The following NLRP12 variants were observed in gnomAD, a reference collection of about 807,000 sequenced individuals.
NLRP12 encodes NLR family pyrin domain containing 12.
In NLRP12, 108 loss-of-function variants were observed where a neutral mutation model predicts 91.2. That is an observed-to-expected ratio of 1.18 (90% confidence interval 1.01 to 1.39). NLRP12 has a LOEUF of 1.39. NLRP12 is among the 40% of genes most tolerant of loss of function. NLRP12 has a pLI of 0.00. For synonymous variants in NLRP12, 613 were observed against 566.7 expected, an observed-to-expected ratio of 1.08 and a Z score of -1.16; for missense variants, 1,530 against 1,352.7, an observed-to-expected ratio of 1.13 and a Z score of -2.06.
chr19:53,806,023 CAGG>C (rs1377309876), intron 4 of NLRP12, among the ~76,000 whole-genome samples: 2 of 146,156 alleles, frequency 1.4e-5, no homozygotes, highest in African/African-American at 5.0e-5. Context: ...CACCTGAGGT[CAGG>C]AGTTTATGAC....
intron 1 of NLRP12, among the ~76,000 whole-genome samples, chr19:53,822,733 T>TC (rs1277418666): frequency 5.6e-4 from 28 of 50,332 alleles, no homozygotes; most frequent in African/African-American, 1.8e-3. Context: ...CGAGACTCAG[T>TC]CTTAAAAAAA....
At position 53,798,347 on chromosome 19, in the gene NLRP12, G is replaced by GTGGT; in HGVS notation, c.2819_2822dup (p.His941GlnfsTer24). On this transcript the variant is annotated frameshift_variant, in exon 8 of 10. Coordinates refer to ENST00000324134, the MANE Select transcript of NLRP12 (RefSeq NM_144687.4). LOFTEE classifies it high-confidence loss of function. ...AACTCAAGTCCAGCTCCCGGAGGTT[G>GTGGT]TGGTTGGCCTGGAGCACCACAGAAA... 4 of 1,614,160 alleles carry GTGGT rather than the reference G, an allele frequency of 2.5e-6. No homozygotes were observed. Among genetic ancestry groups the GTGGT allele is most frequent in the Non-Finnish European group, 3.4e-6 (4 of 1,180,026 alleles).
intron 2 of NLRP12, among the ~76,000 whole-genome samples, chr19:53,811,507 C>T (rs1186313802): frequency 6.6e-6 from 1 of 151,416 alleles, no homozygotes; most frequent in African/African-American, 2.4e-5. Flanking sequence ...GAGCCAGACT[C>T]CATCTCAAAA....
intron 1 of NLRP12, among the ~76,000 whole-genome samples, chr19:53,823,441 ATGTTT>A (rs1568702780): frequency 1.6e-3 from 163 of 104,814 alleles, no homozygotes; most frequent in African/African-American, 4.9e-3. Flanking sequence ...TTTAAAATAT[ATGTTT>A]TAAATATATA....
intron 1 of NLRP12, among the ~76,000 whole-genome samples, chr19:53,823,678 A>G (rs530086782): frequency 1.9e-3 from 290 of 151,382 alleles, no homozygotes; most frequent in African/African-American, 6.3e-3. Flanking sequence ...CCTCCTGAGA[A>G]GCTGGGATCA....
Position 53,809,628 on chromosome 19 carries a change from G to C in NLRP12, c.2031C>G (p.Arg677=), listed in dbSNP as rs747097064. 1 of 1,612,220 alleles carries C rather than the reference G, an allele frequency of 6.2e-7. No homozygotes were observed. The highest frequency in any genetic ancestry group is 1.7e-5 in the Admixed American group (1 of 59,800). The part of the protein sequence containing the change: ...GATYSADGED[R]ARCSAGAHTL... ...TGTGCGCTCCTGCGGAGCACCTCGC[G>C]CGGTCTTCCCCGTCCGCGCTGTAGG... The change falls in exon 3 of 10, where the codon CGC becomes CGG. Residue 677 remains arginine (R), a synonymous_variant. Coordinates refer to ENST00000324134, the MANE Select transcript of NLRP12 (RefSeq NM_144687.4).
At chr19:53,797,125 G>A (rs2091779135) in intron 8 of NLRP12, among the ~76,000 whole-genome samples, 1 of 127,886 alleles carries the variant, frequency 7.8e-6, no homozygotes, top group African/African-American at 3.4e-5. Context: ...CAGAGCACCA[G>A]ATTGAATTAT....
At position 53,798,272 on chromosome 19, in the gene NLRP12, T is replaced by A. The variant is rs2091805877; in HGVS notation, c.2898A>T (p.Gln966His). The change falls in exon 8 of 10, where the codon CAA becomes CAT. Residue 966 changes from glutamine (Q) to histidine (H), a missense_variant. Physicochemically the swap from Gln to His is conservative, Grantham distance 24 (BLOSUM62 0). Transcript: ENST00000324134. Reference protein sequence around the residue: ...WGLWLLAEGLQHPACRLQKLW... With the variant: ...WGLWLLAEGLHHPACRLQKLW... ...GTTTCTGGAGTCTGCAGGCGGGATGTTGCAGCCCCTCAGCCAGCAACCACA... is the reference window on the plus strand; with the variant it reads ...GTTTCTGGAGTCTGCAGGCGGGATGATGCAGCCCCTCAGCCAGCAACCACA... 6.2e-7 allele frequency: 1 copy of A among 1,614,184 alleles called. No individual in the cohort carries two copies. Among genetic ancestry groups the A allele is most frequent in the Non-Finnish European group, 8.5e-7 (1 of 1,180,042 alleles).
rs760787881 is a variant in NLRP12, at chr19:53,807,517, T to TG, written c.2220dup (p.Asn741GlnfsTer30). On this transcript the variant is annotated frameshift_variant, in exon 4 of 10. Transcript: ENST00000324134. LOFTEE classifies it high-confidence loss of function. ...CACCTCAGGTTCTGAAGTTTGCAGTTGGGGTGTCTGAGTCCTTGACAGAGC... is the reference window on the plus strand; with the variant it reads ...CACCTCAGGTTCTGAAGTTTGCAGTTGGGGGTGTCTGAGTCCTTGACAGAGC... 1 of 1,614,080 alleles carries TG rather than the reference T, an allele frequency of 6.2e-7. No homozygotes were observed. The highest frequency in any genetic ancestry group is 1.1e-5 in the South Asian group (1 of 91,074).
At position 53,805,373 on chromosome 19, in the gene NLRP12, C is replaced by T. The variant is rs780092868; in HGVS notation, c.2321G>A (p.Arg774Lys). Residue 774 changes from arginine to lysine, a missense_variant, in exon 5 of 10, where the codon AGG (arginine) becomes AAG (lysine). Arg to Lys is a conservative substitution (Grantham distance 26). Coordinates refer to ENST00000324134, the MANE Select transcript of NLRP12 (RefSeq NM_144687.4). ...AALIANKNLT[R>K]MDLSGNGVGF... ...AACGCCGTTGCCACTGAGATCCATCCTTGTCAAATTCTTATTGGCTATGAG... is the reference window on the plus strand; with the variant it reads ...AACGCCGTTGCCACTGAGATCCATCTTTGTCAAATTCTTATTGGCTATGAG... 2.3e-5 allele frequency: 37 copies of T among 1,614,102 alleles called. No homozygotes were observed. The highest frequency in any genetic ancestry group is 3.1e-5 in the Non-Finnish European group (36 of 1,180,022).
rs778688033 is a variant in NLRP12 at position 53,809,615 on chromosome 19, C to T, written c.2044G>A (p.Ala682Thr). The change falls in exon 3 of 10, where the codon GCA becomes ACA. Residue 682 changes from alanine to threonine, a missense_variant. Ala to Thr is a moderately conservative substitution (Grantham distance 58, BLOSUM62 0). Coordinates refer to ENST00000324134, the MANE Select transcript of NLRP12 (RefSeq NM_144687.4). ...TGCACCAACAGCGTGTGCGCTCCTG[C>T]GGAGCACCTCGCGCGGTCTTCCCCG... is the stretch of plus-strand genomic sequence containing the variant. Reference protein sequence around the residue: ...ADGEDRARCSAGAHTLLVQLP... With the variant: ...ADGEDRARCSTGAHTLLVQLP... 93 of 1,613,104 alleles carry T rather than the reference C, an allele frequency of 5.8e-5. No homozygotes were observed. The highest frequency in any genetic ancestry group is 1.7e-4 in the Middle Eastern group (1 of 5,914).
intron 7 of NLRP12, 64 bp downstream of exon 7, chr19:53,801,163 C>T: frequency 1.3e-6 from 2 of 1,497,344 alleles, no homozygotes; most frequent in Non-Finnish European, 1.9e-6. Flanking sequence ...CCTCCGTGGT[C>T]CCAGGTGAGA....
chr19:53,794,042 G>C lies in NLRP12; in HGVS notation c.*7C>G. The C allele has an allele frequency of 6.2e-7, 1 of 1,604,462 alleles. No homozygotes were observed. Among genetic ancestry groups the C allele is most frequent in the South Asian group, 1.1e-5 (1 of 90,896 alleles). On this transcript the variant is annotated 3_prime_UTR_variant, in exon 10 of 10. Coordinates refer to ENST00000324134, the MANE Select transcript of NLRP12 (RefSeq NM_144687.4). ...GATCTCAGGGGAGAGCCAGCAGATA[G>C]GACCATTCAGCAGCCAATGTCCAAA...
At chr19:53,814,034 GAAA>G (rs1330364773) in intron 2 of NLRP12, among the ~76,000 whole-genome samples, 2 of 151,856 alleles carry the variant, frequency 1.3e-5, no homozygotes, top group Non-Finnish European at 2.9e-5. Flanking sequence ...TGCTCCCCTT[GAAA>G]AAAATAGCCA....
rs566824755 is a variant in NLRP12 at position 53,807,691 on chromosome 19, C to T, written c.2073-26G>A. On this transcript the variant is annotated intron_variant, in intron 3 of 9. Coordinates refer to ENST00000324134, the MANE Select transcript of NLRP12 (RefSeq NM_144687.4). ...CTGCTTGAAGGAAAGACAGGCCACT[C>T]TCTGGTGTTACTGGTGCTTGACAAC... 34 of 1,613,716 alleles carry T rather than the reference C, an allele frequency of 2.1e-5. 1 individual carries two copies. In the Admixed American group the frequency reaches 4.0e-4, roughly 19 times the overall value.
In NLRP12 at chr19:53,812,494, C is replaced by A. The variant is rs56120808; in HGVS notation, c.371-1206G>T. Among the ~76,000 whole-genome samples the A allele has an allele frequency of 1.8e-3, 276 of 151,450 alleles. 3 individuals are homozygous for A. The highest frequency in any genetic ancestry group is 6.2e-3 in the African/African-American group (257 of 41,252). ...TAGTTCCCCAGGGGACATTTGGCAACGGGACAAGTGGGTTGGTTGTTACAA... is the reference window on the plus strand; with the variant it reads ...TAGTTCCCCAGGGGACATTTGGCAAAGGGACAAGTGGGTTGGTTGTTACAA... On this transcript the variant is annotated intron_variant, in intron 2 of 9. Transcript: ENST00000324134.
At chr19:53,806,057 A>C (rs2091953681) in intron 4 of NLRP12, among the ~76,000 whole-genome samples, 1 of 149,868 alleles carries the variant, frequency 6.7e-6, no homozygotes, top group South Asian at 2.1e-4. Flanking sequence ...AACACAGTGA[A>C]ACCCCATTTC....
chr19:53,823,332 AT>A (rs2092288227), intron 1 of NLRP12, among the ~76,000 whole-genome samples: 2 of 137,544 alleles, frequency 1.5e-5, no homozygotes, highest in South Asian at 2.1e-4. Flanking sequence ...TATATACTAT[AT>A]TTATATATAA....
chr19:53,823,262 AT>A (rs2092286056), intron 1 of NLRP12, among the ~76,000 whole-genome samples: 1 of 140,218 alleles, frequency 7.1e-6, no homozygotes, highest in Non-Finnish European at 1.5e-5. Context: ...AATATTTATT[AT>A]TTATATATAT....
Sources: gnomAD v4.1 joint callset for allele counts (sites outside exome capture counted in the v4.1 genomes callset) on GRCh38, gnomAD v4.1.1 for gene constraint, MANE v1.5 for transcripts, NCBI Gene and HGNC (gene_info 2026-07-23, HGNC 2026-07-21) for gene names.